Variants in MTG1 observed in about 807,000 individuals in gnomAD.
MTG1 encodes the protein mitochondrial ribosome-associated GTPase 1.
Under a neutral mutation model 39.5 loss-of-function variants are expected in MTG1, and 30 were observed. The ratio of observed to expected loss-of-function variants is 0.76; its 90% confidence interval spans 0.57 to 1.03. The LOEUF (loss-of-function observed/expected upper bound fraction) is 1.03. Ranked by LOEUF, MTG1 falls within the 50% of genes least tolerant of loss-of-function variation. MTG1 has a pLI of 0.00. For missense variants in MTG1, 513 were observed against 447.4 expected (o/e 1.15, Z -1.32); for synonymous variants, 217 against 179.0 (o/e 1.21, Z -1.69).
chr10:133,413,405 C>T (rs551962344), intron 9 of MTG1, among the ~76,000 whole-genome samples: 9 of 151,928 alleles, frequency 5.9e-5, no homozygotes, highest in Middle Eastern at 3.4e-3. Context: ...TGAGCCACTG[C>T]GCCTGGCTAA....
intron 9 of MTG1, among the ~76,000 whole-genome samples, chr10:133,412,572 G>A (rs1008613783): frequency 6.6e-6 from 1 of 152,112 alleles, no homozygotes; most frequent in African/African-American, 2.4e-5. Flanking sequence ...CAATACAATT[G>A]ACAGGTTTTT....
intron 2 of MTG1, 102 bp from the exon 3 acceptor site, chr10:133,396,061 A>G: frequency 9.1e-7 from 1 of 1,094,788 alleles, no homozygotes. Context: ...CCTGTACTTG[A>G]GGAATGAATT....
At chr10:133,412,060 C>T (rs1850055363) in intron 9 of MTG1, among the ~76,000 whole-genome samples, 1 of 151,940 alleles carries the variant, frequency 6.6e-6, no homozygotes, top group Non-Finnish European at 1.5e-5. Context: ...GCTTTCCTGT[C>T]TGGCTTTTTT....
At chr10:133,415,952 T>C (rs1449133064) in intron 9 of MTG1, among the ~76,000 whole-genome samples, 2 of 147,816 alleles carry the variant, frequency 1.4e-5, no homozygotes, top group East Asian at 4.1e-4. Context: ...CACGCAGTTA[T>C]CAGGCACGCG....
chr10:133,399,234 G>A lies in MTG1; in HGVS notation c.420+8G>A. On this transcript the variant is annotated splice_region_variant and intron_variant, in intron 5 of 10. Coordinates refer to ENST00000317502, the MANE Select transcript of MTG1 (RefSeq NM_138384.4). ...CGCTACCACCGAAAAGAGGTTGGTTGGTGGGGCCCAGAGCTGGGAGTGGGA... is the reference window on the plus strand; with the variant it reads ...CGCTACCACCGAAAAGAGGTTGGTTAGTGGGGCCCAGAGCTGGGAGTGGGA... The A allele has an allele frequency of 2.5e-6, 4 of 1,614,044 alleles. No homozygotes were observed. In the South Asian group the frequency reaches 4.4e-5, roughly 18 times the overall value.
chr10:133,402,841 A>G lies in MTG1; in HGVS notation c.752+68A>G, dbSNP rs1589912248. ...GTCACCTCATTTAAAAAAAAAAAACAAACAAAAAAACCCCCAGCATTATAA... is the reference window on the plus strand; with the variant it reads ...GTCACCTCATTTAAAAAAAAAAAACGAACAAAAAAACCCCCAGCATTATAA... On this transcript the variant is annotated intron_variant, in intron 9 of 10. Transcript: ENST00000317502. The surrounding 1 kb of genome is among the most constrained non-coding windows in gnomAD (Gnocchi z 4.7). 2 of 1,136,048 alleles carry G rather than the reference A, an allele frequency of 1.8e-6. No individual in the cohort carries two copies. Among genetic ancestry groups the G allele is most frequent in the African/African-American group, 3.2e-5 (2 of 63,174 alleles). The allele number at this position is 1,136,048 out of a possible 1,614,324, so 70.4% of individuals were successfully genotyped here.
chr10:133,411,687 TC>T (rs1850048914), intron 9 of MTG1, among the ~76,000 whole-genome samples: 2 of 152,110 alleles, frequency 1.3e-5, no homozygotes, highest in African/African-American at 4.8e-5. Flanking sequence ...TAGCCAGTCT[TC>T]AGGCTCACTG....
rs1285409382 is a variant in MTG1 at position 133,420,725 on chromosome 10, CCAG to C, written c.*567_*569del. 1 of 152,732 alleles carries C rather than the reference CCAG, an allele frequency of 6.5e-6. No individual in the cohort carries two copies. Among genetic ancestry groups the C allele is most frequent in the Non-Finnish European group, 1.5e-5 (1 of 68,426 alleles). 9.5% of individuals were successfully genotyped at this position (152,732 alleles called of 1,614,324 possible). A position where few individuals can be genotyped will look rare whatever the true frequency, so the allele number is the denominator to read the frequency against. ...ACACACAGACACAGACCAGAGACTC[CCAG>C]CAGCAGAGCCCAAGCACTGGCTTCG... is the stretch of plus-strand genomic sequence containing the variant. On this transcript the variant is annotated 3_prime_UTR_variant, in exon 11 of 11. Coordinates refer to ENST00000317502, the MANE Select transcript of MTG1 (RefSeq NM_138384.4).
At chr10:133,399,446 G>T in intron 5 of MTG1, 83 bp from the exon 6 acceptor site, 1 of 1,422,094 alleles carries the variant, frequency 7.0e-7, no homozygotes, top group Non-Finnish European at 9.9e-7. Context: ...CTGGCCTGGG[G>T]TCCCCTTGCC....
chr10:133,410,487 T>G (rs1186665634), intron 9 of MTG1, among the ~76,000 whole-genome samples: 4 of 152,256 alleles, frequency 2.6e-5, no homozygotes, highest in African/African-American at 9.6e-5. Context: ...ACTGTCTTCC[T>G]TCGCATGTGG....
At chr10:133,401,713 C>A in intron 7 of MTG1, 123 bp downstream of exon 7, 1 of 907,012 alleles carries the variant, frequency 1.1e-6, no homozygotes. Flanking sequence ...TCAGTGTCCC[C>A]GCTGAGCACC....
At position 133,401,755 on chromosome 10, in the gene MTG1, C is replaced by T. The variant is rs1589911446; in HGVS notation, c.573+165C>T. On this transcript the variant is annotated intron_variant, in intron 7 of 10. Transcript: ENST00000317502. ...GCAGGCACTGCCCCTGCCCTTATTC[C>T]ACAGTCGTCATAGTCTTTGCGCCAA... The T allele has an allele frequency of 5.4e-6, 4 of 737,896 alleles. No individual in the cohort carries two copies. The East Asian group carries it at 1.1e-4, about 20-fold the overall frequency. The allele number at this position is 737,896 out of a possible 1,614,324, so 45.7% of individuals were successfully genotyped here. A position where few individuals can be genotyped will look rare whatever the true frequency, so the allele number is the denominator to read the frequency against.
In MTG1 at chr10:133,402,360, G is replaced by C; in HGVS notation, c.670+115G>C. 1 of 1,251,278 alleles carries C rather than the reference G, an allele frequency of 8.0e-7. No individual in the cohort carries two copies. The highest frequency in any genetic ancestry group is 1.2e-6 in the Non-Finnish European group (1 of 868,236). 77.5% of individuals were successfully genotyped at this position (1,251,278 alleles called of 1,614,324 possible). A position where few individuals can be genotyped will look rare whatever the true frequency, so the allele number is the denominator to read the frequency against. ...CGGGAGTTGTTACTGCCTTTGACCT[G>C]GTTGCTGCCAGACCTTCCTCGAAGC... is the stretch of plus-strand genomic sequence containing the variant. On this transcript the variant is annotated intron_variant, in intron 8 of 10. Transcript: ENST00000317502. The surrounding 1 kb of genome is among the most constrained non-coding windows in gnomAD (Gnocchi z 4.7).
chr10:133,421,014 G>C lies in MTG1; in HGVS notation c.*849G>C, dbSNP rs1474619616. 2 of 152,678 alleles carry C rather than the reference G, an allele frequency of 1.3e-5. No homozygotes were observed. Among genetic ancestry groups the C allele is most frequent in the Non-Finnish European group, 2.9e-5 (2 of 68,388 alleles). 9.5% of individuals were successfully genotyped at this position (152,678 alleles called of 1,614,324 possible). ...GGGAAGAGGAAGGAAGGTGGGTGGG[G>C]CTGGTAGTATGGACTAAGGTGCTGC... On this transcript the variant is annotated 3_prime_UTR_variant, in exon 11 of 11. Transcript: ENST00000317502.
Position 133,394,186 on chromosome 10 carries a change from T to A in MTG1, c.-35T>A. The A allele has an allele frequency of 6.8e-7, 1 of 1,468,162 alleles. No individual in the cohort carries two copies. Among genetic ancestry groups the A allele is most frequent in the Non-Finnish European group, 9.1e-7 (1 of 1,097,300 alleles). 90.9% of individuals were successfully genotyped at this position (1,468,162 alleles called of 1,614,324 possible). Reference sequence around the variant, plus strand: ...GCGGGTCGCAGCGGCGCAGAGGAGGTCAGCTGCGGGAGCGTTTCCGGGGAC... The same window carrying A: ...GCGGGTCGCAGCGGCGCAGAGGAGGACAGCTGCGGGAGCGTTTCCGGGGAC... On this transcript the variant is annotated 5_prime_UTR_variant, in exon 1 of 11. Coordinates refer to ENST00000317502, the MANE Select transcript of MTG1 (RefSeq NM_138384.4).
intron 1 of MTG1, 160 bp downstream of exon 1, chr10:133,394,492 C>A: frequency 1.5e-6 from 2 of 1,333,508 alleles, no homozygotes; most frequent in Non-Finnish European, 1.9e-6. Context: ...CACCCGCTCC[C>A]GGAGCCGCCG....
chr10:133,395,396 GA>G (rs1849767414), intron 1 of MTG1, among the ~76,000 whole-genome samples: 1 of 151,808 alleles, frequency 6.6e-6, no homozygotes, highest in African/African-American at 2.4e-5. Context: ...CTCCGTCTCA[GA>G]AAACAAAAAA....
chr10:133,414,985 G>A (rs534003324), intron 9 of MTG1, among the ~76,000 whole-genome samples: 9 of 152,374 alleles, frequency 5.9e-5, no homozygotes, highest in East Asian at 1.9e-4. Context: ...CCAACACAGC[G>A]AAACCCCATC....
intron 4 of MTG1, among the ~76,000 whole-genome samples, chr10:133,398,918 C>T (rs1849827490): frequency 1.3e-5 from 2 of 152,184 alleles, no homozygotes; most frequent in South Asian, 4.1e-4. Context: ...CTCAGTCTGA[C>T]ATCTGTGACC....
Sources: allele counts gnomAD v4.1 joint callset (sites outside exome capture counted in the v4.1 genomes callset), GRCh38; gene constraint gnomAD v4.1.1; non-coding constraint Gnocchi (gnomAD v3.1); transcripts MANE v1.5; gene names NCBI Gene and HGNC (gene_info 2026-07-23, HGNC 2026-07-21).